Variants in AGO2 observed in about 807,000 individuals in gnomAD.
The protein encoded by AGO2 is protein argonaute-2.
Under a neutral mutation model 102.3 loss-of-function variants are expected in AGO2, and 5 were observed. That is an observed-to-expected ratio of 0.05 (90% CI 0.03 to 0.10). AGO2 has a LOEUF of 0.10. Among genes scored for constraint, AGO2 ranks in the 10% least tolerant of loss-of-function variants. AGO2 has a pLI of 1.00. For missense variants in AGO2, 541 were observed against 1,183.7 expected, an observed-to-expected ratio of 0.46 and a Z score of 7.97; for synonymous variants, 449 against 473.1, an observed-to-expected ratio of 0.95 and a Z score of 0.66.
chr8:140,564,707 C>G (rs1028006188), intron 3 of AGO2, among the ~76,000 whole-genome samples: 1 of 152,200 alleles, frequency 6.6e-6, no homozygotes, highest in African/African-American at 2.4e-5. Flanking sequence ...CTTTGGGAGG[C>G]TGAGGCAGAT....
rs1418750784 is a variant in AGO2 at position 140,525,042 on chromosome 8, C to T, written c.*7002G>A. ...GATAACTCAGCCTCTTCCTACCCCC[C>T]AAAAGGGGGCTGGGGGCTGAGGTGA... is the stretch of plus-strand genomic sequence containing the variant. On this transcript the variant is annotated 3_prime_UTR_variant, in exon 19 of 19. Transcript: ENST00000220592. The T allele has an allele frequency of 3.3e-5, 5 of 152,192 alleles. No homozygotes were observed. Among genetic ancestry groups the T allele is most frequent in the African/African-American group, 7.2e-5 (3 of 41,434 alleles). The allele number at this position is 152,192 out of a possible 1,614,324, so 9.4% of individuals were successfully genotyped here.
intron 1 of AGO2, among the ~76,000 whole-genome samples, chr8:140,599,374 G>A (rs1003506740): frequency 2.6e-5 from 4 of 152,184 alleles, no homozygotes; most frequent in East Asian, 1.9e-4. Flanking sequence ...AGAAAAACGC[G>A]TGCTGGAATC....
At chr8:140,617,347 G>T (rs988701356) in intron 1 of AGO2, among the ~76,000 whole-genome samples, 1 of 152,032 alleles carries the variant, frequency 6.6e-6, no homozygotes, top group Non-Finnish European at 1.5e-5. Flanking sequence ...CACCTCCAGG[G>T]TTTAAGTGAC....
chr8:140,609,635 T>C (rs1477794769), intron 1 of AGO2, among the ~76,000 whole-genome samples: 2 of 152,158 alleles, frequency 1.3e-5, no homozygotes, highest in African/African-American at 4.8e-5. Context: ...TGTCTGCCCA[T>C]CCCATCCCCC....
At chr8:140,546,421 G>A (rs553797112) in intron 13 of AGO2, among the ~76,000 whole-genome samples, 148 of 152,336 alleles carry the variant, frequency 9.7e-4, no homozygotes, top group African/African-American at 3.3e-3. Context: ...AACGAGCCCC[G>A]CTGGGGTTCA....
At chr8:140,625,571 C>G (rs1015350783) in intron 1 of AGO2, among the ~76,000 whole-genome samples, 21 of 152,240 alleles carry the variant, frequency 1.4e-4, no homozygotes, top group African/African-American at 4.8e-4. Flanking sequence ...CCCCCAAGCC[C>G]TCTCCTCAAT....
intron 1 of AGO2, among the ~76,000 whole-genome samples, chr8:140,608,618 AC>A (rs1309628458): frequency 3.0e-4 from 45 of 152,302 alleles, no homozygotes; most frequent in African/African-American, 1.0e-3. Context: ...GGCTGGCAGC[AC>A]CGCATGCCAC....
At position 140,526,035 on chromosome 8, in the gene AGO2, A is replaced by G. The variant is rs1364162923; in HGVS notation, c.*6009T>C. The G allele has an allele frequency of 6.6e-6, 1 of 152,182 alleles. No individual in the cohort carries two copies. Among genetic ancestry groups the G allele is most frequent in the African/African-American group, 2.4e-5 (1 of 41,444 alleles). 9.4% of individuals were successfully genotyped at this position (152,182 alleles called of 1,614,324 possible). A position where few individuals can be genotyped will look rare whatever the true frequency, so the allele number is the denominator to read the frequency against. ...ATTTGAACAGAATGCTTTGCTTTCAACCCTTAGTTTGTTTTGCAGTAGGGA... is the reference window on the plus strand; with the variant it reads ...ATTTGAACAGAATGCTTTGCTTTCAGCCCTTAGTTTGTTTTGCAGTAGGGA... On this transcript the variant is annotated 3_prime_UTR_variant, in exon 19 of 19. Coordinates refer to ENST00000220592, the MANE Select transcript of AGO2 (RefSeq NM_012154.5). The surrounding 1 kb of genome is among the most constrained non-coding windows in gnomAD (Gnocchi z 5.2).
chr8:140,580,869 T>C (rs1330202228), intron 2 of AGO2, among the ~76,000 whole-genome samples: 1 of 152,270 alleles, frequency 6.6e-6, no homozygotes, highest in Non-Finnish European at 1.5e-5. Context: ...GCCTTGGCCC[T>C]GTGCATGCAG....
At chr8:140,582,594 T>G (rs2073574051) in intron 2 of AGO2, among the ~76,000 whole-genome samples, 1 of 152,226 alleles carries the variant, frequency 6.6e-6, no homozygotes, top group South Asian at 2.1e-4. Context: ...GAAAGAAAAG[T>G]ATTTTCAACA....
chr8:140,632,398 T>C (rs2074353246), intron 1 of AGO2, among the ~76,000 whole-genome samples: 1 of 152,276 alleles, frequency 6.6e-6, no homozygotes, highest in Middle Eastern at 3.4e-3. Flanking sequence ...TGGGGACCAC[T>C]GAGGGAAGGG....
At chr8:140,560,562 G>A in intron 4 of AGO2, 52 bp from the exon 5 acceptor site, 1 of 1,575,522 alleles carries the variant, frequency 6.3e-7, no homozygotes, top group South Asian at 1.1e-5. Context: ...CTTCCGGAAG[G>A]AACAGCTGCC....
chr8:140,632,713 A>T lies in AGO2; in HGVS notation c.22+2772T>A, dbSNP rs1334592811. ...TTGGAGAATCCACCCATCTTAAACAACTAACTCAGTTCAAAAAACGAAAAA... is the reference window on the plus strand; with the variant it reads ...TTGGAGAATCCACCCATCTTAAACATCTAACTCAGTTCAAAAAACGAAAAA... On this transcript the variant is annotated intron_variant, in intron 1 of 18. Coordinates refer to ENST00000220592, the MANE Select transcript of AGO2 (RefSeq NM_012154.5). Among the ~76,000 whole-genome samples the T allele has an allele frequency of 2.0e-5, 3 of 152,276 alleles. No individual in the cohort carries two copies. The East Asian group carries it at 5.8e-4, about 29-fold the overall frequency.
chr8:140,609,172 G>A (rs866113651), intron 1 of AGO2, among the ~76,000 whole-genome samples: 1 of 152,264 alleles, frequency 6.6e-6, no homozygotes, highest in Non-Finnish European at 1.5e-5. Flanking sequence ...AAAAGCCAGC[G>A]TGAGCCAAGT....
At position 140,522,190 on chromosome 8, in the gene AGO2, A is replaced by T. The variant is rs2072426073; in HGVS notation, c.*9854T>A. The T allele has an allele frequency of 6.6e-6, 1 of 152,220 alleles. No homozygotes were observed. Among genetic ancestry groups the T allele is most frequent in the South Asian group, 2.1e-4 (1 of 4,838 alleles). The allele number at this position is 152,220 out of a possible 1,614,324, so 9.4% of individuals were successfully genotyped here. A position where few individuals can be genotyped will look rare whatever the true frequency, so the allele number is the denominator to read the frequency against. The stretch of plus-strand genomic sequence containing the variant: ...GGTTCAACATAAAAGGCACAAATAA[A>T]TAAAAATATCATTAAATAAACGGAA... On this transcript the variant is annotated 3_prime_UTR_variant, in exon 19 of 19. Coordinates refer to ENST00000220592, the MANE Select transcript of AGO2 (RefSeq NM_012154.5).
intron 8 of AGO2, 52 bp from the exon 9 acceptor site, chr8:140,556,338 G>T: frequency 6.2e-7 from 1 of 1,602,776 alleles, no homozygotes. Context: ...GAGTGACCAG[G>T]GGAGCAGGCA....
intron 1 of AGO2, among the ~76,000 whole-genome samples, chr8:140,609,868 C>T (rs924793313): frequency 4.0e-5 from 6 of 151,388 alleles, no homozygotes; most frequent in Non-Finnish European, 7.4e-5. Flanking sequence ...TGGCCAGGCA[C>T]GGGGGCTCAC....
In AGO2 at chr8:140,627,149, G is replaced by A. The variant is rs568305219; in HGVS notation, c.22+8336C>T. Among the ~76,000 whole-genome samples, 9 of 152,338 alleles carry A rather than the reference G, an allele frequency of 5.9e-5. 1 individual carries two copies. Among genetic ancestry groups the A allele is most frequent in the African/African-American group, 2.2e-4 (9 of 41,576 alleles). Reference sequence around the variant, plus strand: ...CCCGCCCTGCATAAGCTCACTTAGAGCAAGACACCAGAGAAGCCTGGGAAT... The same window carrying A: ...CCCGCCCTGCATAAGCTCACTTAGAACAAGACACCAGAGAAGCCTGGGAAT... On this transcript the variant is annotated intron_variant, in intron 1 of 18. Transcript: ENST00000220592.
chr8:140,630,408 G>C (rs980156972), intron 1 of AGO2, among the ~76,000 whole-genome samples: 1 of 152,224 alleles, frequency 6.6e-6, no homozygotes, highest in Non-Finnish European at 1.5e-5. Flanking sequence ...GGAGGGCCTG[G>C]CGATTTGGTC....
Sources: gnomAD v4.1 joint callset for allele counts (sites outside exome capture counted in the v4.1 genomes callset) on GRCh38, gnomAD v4.1.1 for gene constraint, Gnocchi (gnomAD v3.1) non-coding constraint, MANE v1.5 for transcripts, NCBI Gene and HGNC (gene_info 2026-07-23, HGNC 2026-07-21) for gene names.